Variants in CES5A observed in about 807,000 individuals in gnomAD.
CES5A encodes the protein carboxylesterase 5.
CES5A carries 67 observed loss-of-function variants against 62.9 expected under a neutral mutation model. That is an observed-to-expected ratio of 1.07 (90% CI 0.88 to 1.31). The LOEUF (loss-of-function observed/expected upper bound fraction) is 1.31. CES5A is among the 50% of genes most tolerant of loss of function. The pLI is 0.00. For missense variants in CES5A, 748 were observed against 708.5 expected (o/e 1.06, Z -0.63); for synonymous variants, 296 against 280.8 (o/e 1.05, Z -0.54).
At chr16:55,887,841 G>C (rs556085047) in intron 1 of CES5A, among the ~76,000 whole-genome samples, 3 of 152,130 alleles carry the variant, frequency 2.0e-5, no homozygotes, top group African/African-American at 7.2e-5. Flanking sequence ...TGTTGCAAGG[G>C]AGCAATGGGC....
At chr16:55,873,702 G>A (rs562076128) in intron 2 of CES5A, 131 bp downstream of exon 2, 63 of 817,672 alleles carry the variant, frequency 7.7e-5, no homozygotes, top group Non-Finnish European at 1.1e-4. Flanking sequence ...CCACTCGCCC[G>A]AGTCTCAAGC....
At chr16:55,951,843 A>G (rs2034561016) in intron 1 of CES5A, among the ~76,000 whole-genome samples, 1 of 152,210 alleles carries the variant, frequency 6.6e-6, no homozygotes, top group Admixed American at 6.5e-5. Context: ...ATCTACAATC[A>G]TGGTAAGAGA....
At chr16:55,859,502 A>G in intron 8 of CES5A, 45 bp downstream of exon 8, 1 of 1,594,052 alleles carries the variant, frequency 6.3e-7, no homozygotes, top group Non-Finnish European at 8.5e-7. Context: ...CCAAAGCTGC[A>G]TCACGGTTTG....
chr16:55,859,444 G>A (rs2033308039), intron 8 of CES5A, 103 bp downstream of exon 8: 2 of 1,171,378 alleles, frequency 1.7e-6, no homozygotes, highest in Admixed American at 2.1e-5. Context: ...GTGGGCTCCA[G>A]CACTTACAAT....
intron 11 of CES5A, among the ~76,000 whole-genome samples, chr16:55,848,719 T>G (rs1264986149): frequency 1.3e-5 from 2 of 152,226 alleles, no homozygotes; most frequent in African/African-American, 4.8e-5. Flanking sequence ...ATCAAGGAAT[T>G]TAACCTTTTG....
chr16:55,914,980 A>C (rs1261667165), intron 1 of CES5A, among the ~76,000 whole-genome samples: 4 of 151,960 alleles, frequency 2.6e-5, no homozygotes, highest in Non-Finnish European at 5.9e-5. Flanking sequence ...TGTAAATCTC[A>C]AATTAGTTCT....
rs147478367 is a variant in CES5A at position 55,923,116 on chromosome 16, C to T, written c.-256+2207G>A. Reference sequence around the variant, plus strand: ...GACTTTAAAGAAACAACCTAATGCACTTCAAGCAATTAGAAAAGCAAGAAA... The same window carrying T: ...GACTTTAAAGAAACAACCTAATGCATTTCAAGCAATTAGAAAAGCAAGAAA... On this transcript the variant is annotated intron_variant, in intron 1 of 12. Transcript: ENST00000518005. Among the ~76,000 whole-genome samples, 590 of 151,058 alleles carry T rather than the reference C, an allele frequency of 3.9e-3. 5 individuals are homozygous for T. Among genetic ancestry groups the T allele is most frequent in the African/African-American group, 0.013 (540 of 41,232 alleles).
chr16:55,955,922 T>A, exon 1 of CES5A: 1 of 1,535,532 alleles, frequency 6.5e-7, no homozygotes, highest in Non-Finnish European at 8.7e-7. Context: ...AACCTCAGCA[T>A]CCCAGCTGGC....
chr16:55,949,918 T>TAAA (rs1250353724), intron 1 of CES5A: 1 of 1,090,242 alleles, frequency 9.2e-7, no homozygotes, highest in African/African-American at 1.6e-5. Context: ...AAAAAAGAAA[T>TAAA]AATAATAATA....
intron 1 of CES5A, among the ~76,000 whole-genome samples, chr16:55,920,924 A>C (rs2034197838): frequency 6.6e-6 from 1 of 152,240 alleles, no homozygotes; most frequent in South Asian, 2.1e-4. Context: ...AGACTGAAAT[A>C]ATTTTAAAAA....
intron 1 of CES5A, among the ~76,000 whole-genome samples, chr16:55,905,872 G>A (rs2034036315): frequency 6.6e-6 from 1 of 152,188 alleles, no homozygotes; most frequent in South Asian, 2.1e-4. Context: ...GAAGTGGGAG[G>A]AAAAGGATGC....
In CES5A at chr16:55,870,634, G is replaced by C. The variant is rs140002094; in HGVS notation, c.418-890C>G. Among the ~76,000 whole-genome samples the C allele has an allele frequency of 2.1e-3, 317 of 152,220 alleles. 11 individuals carry two copies. In the South Asian group the frequency reaches 0.032, roughly 15 times the overall value. On this transcript the variant is annotated intron_variant, in intron 3 of 12. Coordinates refer to ENST00000290567, the MANE Select transcript of CES5A (RefSeq NM_001143685.2). Reference sequence around the variant, plus strand: ...AATCCCTTGAGCCCGGATGGCAAAGGTCGCAGTGAGCCAAGTTTGCACAAC... The same window carrying C: ...AATCCCTTGAGCCCGGATGGCAAAGCTCGCAGTGAGCCAAGTTTGCACAAC...
intron 5 of CES5A, among the ~76,000 whole-genome samples, chr16:55,865,067 A>G (rs1159273085): frequency 6.6e-6 from 1 of 152,152 alleles, no homozygotes; most frequent in Non-Finnish European, 1.5e-5. Context: ...TTAGCTGGGC[A>G]TGGTGGCACA....
At chr16:55,884,587 C>T (rs2033795460) in intron 1 of CES5A, among the ~76,000 whole-genome samples, 1 of 147,506 alleles carries the variant, frequency 6.8e-6, no homozygotes. Context: ...ACAACCACCA[C>T]TAAACTTCTT....
chr16:55,866,566 T>C (rs1456186165), intron 4 of CES5A, among the ~76,000 whole-genome samples: 1 of 150,094 alleles, frequency 6.7e-6, no homozygotes, highest in African/African-American at 2.5e-5. Flanking sequence ...CTCATGCCTG[T>C]AATCCCAGCA....
rs13338754 is a variant in CES5A at position 55,869,642 on chromosome 16, G to A, written c.520C>T (p.Gln174Ter). ...AAACCAAATATTCCTAGCCGGTACT[G>A]GACGACCACAACCAGCACGTCCTCA... is the stretch of plus-strand genomic sequence containing the variant. ...AYEDVLVVVVQYRLGIFGFFT... is the reference protein window; with the variant it reads ...AYEDVLVVVV Residue 174 changes from glutamine to a stop codon, truncating the protein, a stop_gained, in exon 4 of 13, where the codon CAG becomes TAG. Transcript: ENST00000290567. LOFTEE classifies it high-confidence loss of function. 9,653 of 1,613,772 alleles carry A rather than the reference G, an allele frequency of 6.0e-3. 432 individuals carry two copies. In the African/African-American group the frequency reaches 0.1, roughly 17 times the overall value.
chr16:55,882,679 T>G (rs1332415961), intron 1 of CES5A, among the ~76,000 whole-genome samples: 1 of 152,238 alleles, frequency 6.6e-6, no homozygotes, highest in East Asian at 1.9e-4. Flanking sequence ...CCAAGGAGAC[T>G]TTGCCTCCTT....
Position 55,854,864 on chromosome 16 carries a change from G to A in CES5A, c.1125+1513C>T, listed in dbSNP as rs556924950. 2.7e-3 allele frequency among the ~76,000 whole-genome samples: 408 copies of A among 152,040 alleles called. 4 individuals carry two copies. Among genetic ancestry groups the A allele is most frequent in the Non-Finnish European group, 3.2e-3 (218 of 67,996 alleles). On this transcript the variant is annotated intron_variant, in intron 9 of 12. Coordinates refer to ENST00000290567, the MANE Select transcript of CES5A (RefSeq NM_001143685.2). Reference sequence around the variant, plus strand: ...GCTTTTTCTAAAATAGAAATCAAATGTCCTTCTTCCTTCTGTTCTCAGTCT... The same window carrying A: ...GCTTTTTCTAAAATAGAAATCAAATATCCTTCTTCCTTCTGTTCTCAGTCT...
chr16:55,934,080 T>C (rs1455429110), intron 2 of CES5A, among the ~76,000 whole-genome samples: 1 of 152,178 alleles, frequency 6.6e-6, no homozygotes, highest in Non-Finnish European at 1.5e-5. Flanking sequence ...TGCTCAAATT[T>C]TACCTTTATA....
Sources: allele counts gnomAD v4.1 joint callset (sites outside exome capture counted in the v4.1 genomes callset), GRCh38; gene constraint gnomAD v4.1.1; transcripts MANE v1.5; gene names NCBI Gene and HGNC (gene_info 2026-07-23, HGNC 2026-07-21).